OPCML: variants seen among roughly 807,000 people sequenced by gnomAD.
The protein encoded by OPCML is opioid binding protein/cell adhesion molecule like.
Under a neutral mutation model 37.8 loss-of-function variants are expected in OPCML, and 13 were observed. The observed-to-expected ratio is 0.34, with a 90% confidence interval of 0.22 to 0.55. The LOEUF is 0.55. Among genes scored for constraint, OPCML ranks in the 20% least tolerant of loss-of-function variants. OPCML has a pLI of 0.91. For missense variants in OPCML, 341 were observed against 435.6 expected (o/e 0.78, Z 1.93); for synonymous variants, 176 against 168.8 (o/e 1.04, Z -0.33).
At chr11:132,848,033 T>C (rs981638425) in intron 2 of OPCML, among the ~76,000 whole-genome samples, 2 of 152,114 alleles carry the variant, frequency 1.3e-5, no homozygotes, top group African/African-American at 4.8e-5. Flanking sequence ...GACAGTGAAA[T>C]TGATCAAGTC....
chr11:132,694,179 CTTTTTTTTTTTTTTTTTTTT>C (rs1162305568), intron 2 of OPCML, among the ~76,000 whole-genome samples: 8 of 42,978 alleles, frequency 1.9e-4, no homozygotes, highest in East Asian at 1.0e-3. Flanking sequence ...AAATCAATGT[CTTTTTTTTTTTTTTTTTTTT>C]TTTTTTTTTT....
intron 2 of OPCML, among the ~76,000 whole-genome samples, chr11:132,899,662 T>C (rs1174586678): frequency 6.6e-6 from 1 of 152,082 alleles, no homozygotes; most frequent in Non-Finnish European, 1.5e-5. Context: ...ACCTAGAGAA[T>C]TGATAAAGCA....
At chr11:132,457,756 G>A (rs1052080830) in intron 4 of OPCML, among the ~76,000 whole-genome samples, 1 of 152,168 alleles carries the variant, frequency 6.6e-6, no homozygotes, top group African/African-American at 2.4e-5. Context: ...TGCCCCAGCT[G>A]CCTGGTGTAC....
At chr11:132,593,426 C>T (rs962719878) in intron 3 of OPCML, among the ~76,000 whole-genome samples, 4 of 152,250 alleles carry the variant, frequency 2.6e-5, no homozygotes, top group East Asian at 1.9e-4. Context: ...TGGCAAGGAG[C>T]GTCCATTGTA....
chr11:133,498,001 T>A (rs947726677), intron 1 of OPCML, among the ~76,000 whole-genome samples: 2 of 152,160 alleles, frequency 1.3e-5, no homozygotes, highest in African/African-American at 4.8e-5. Context: ...CCTCTGCTTT[T>A]GTCAATTTAA....
At chr11:133,310,405 T>C (rs375161088) in intron 1 of OPCML, among the ~76,000 whole-genome samples, 16 of 152,160 alleles carry the variant, frequency 1.1e-4, no homozygotes, top group African/African-American at 3.9e-4. Context: ...TCTCAGATTT[T>C]ATTTAAAAGG....
intron 2 of OPCML, among the ~76,000 whole-genome samples, chr11:132,858,795 A>C (rs1389949757): frequency 1.3e-5 from 2 of 152,246 alleles, no homozygotes; most frequent in African/African-American, 4.8e-5. Context: ...AATAAATCTA[A>C]AAGTACGTTC....
In OPCML at chr11:133,173,167, G is replaced by C. The variant is rs984209970; in HGVS notation, c.62-230157C>G. 6.6e-6 allele frequency among the ~76,000 whole-genome samples: 1 copy of C among 152,124 alleles called. No individual in the cohort carries two copies. Among genetic ancestry groups the C allele is most frequent in the African/African-American group, 2.4e-5 (1 of 41,404 alleles). ...CATGCTTTAAAAAAATTACATGTGA[G>C]GGAATATTTCATATGAATTCCTAAG... On this transcript the variant is annotated intron_variant, in intron 1 of 7. Transcript: ENST00000524381. This position sits in a 1 kb window ranked among gnomAD's most constrained non-coding sequence, Gnocchi z 7.8.
At chr11:132,792,884 G>A (rs906722001) in intron 2 of OPCML, among the ~76,000 whole-genome samples, 2 of 152,204 alleles carry the variant, frequency 1.3e-5, no homozygotes, top group Non-Finnish European at 2.9e-5. Flanking sequence ...GCCCGTGTCT[G>A]TCTAATCCCT....
At chr11:132,437,424 C>A in intron 4 of OPCML, 65 bp from the exon 5 acceptor site, 1 of 1,584,700 alleles carries the variant, frequency 6.3e-7, no homozygotes, top group Non-Finnish European at 8.6e-7. Flanking sequence ...GAACCATATT[C>A]ACATCTAGAG....
intron 1 of OPCML, among the ~76,000 whole-genome samples, chr11:133,071,541 G>A (rs1316343725): frequency 6.6e-6 from 1 of 152,134 alleles, no homozygotes; most frequent in Non-Finnish European, 1.5e-5. Context: ...AAAATCACTG[G>A]CCCAGGAGTC....
intron 2 of OPCML, among the ~76,000 whole-genome samples, chr11:132,852,066 G>A (rs1190122101): frequency 6.6e-6 from 1 of 152,174 alleles, no homozygotes; most frequent in East Asian, 1.9e-4. Flanking sequence ...TAGAGCAGGG[G>A]AAATAAACAT....
intron 1 of OPCML, among the ~76,000 whole-genome samples, chr11:133,255,307 G>A (rs1263811873): frequency 6.6e-6 from 1 of 152,136 alleles, no homozygotes; most frequent in Non-Finnish European, 1.5e-5. Flanking sequence ...TTACAGGGAA[G>A]GTCAGGGCAT....
intron 1 of OPCML, among the ~76,000 whole-genome samples, chr11:133,191,982 T>C (rs144338936): frequency 8.5e-5 from 13 of 152,338 alleles, no homozygotes; most frequent in African/African-American, 2.6e-4. Flanking sequence ...ACTTGAACTG[T>C]CTGCTGTTTT....
intron 7 of OPCML, among the ~76,000 whole-genome samples, chr11:132,430,978 A>C (rs2095994934): frequency 6.6e-6 from 1 of 152,136 alleles, no homozygotes; most frequent in Non-Finnish European, 1.5e-5. Flanking sequence ...AGAGAAAGTG[A>C]GTCACCTCCA....
At chr11:132,915,218 T>G (rs1303277643) in intron 2 of OPCML, among the ~76,000 whole-genome samples, 1 of 152,188 alleles carries the variant, frequency 6.6e-6, no homozygotes, top group Non-Finnish European at 1.5e-5. Flanking sequence ...TCTCCCCATT[T>G]TCAACATTAT....
intron 4 of OPCML, among the ~76,000 whole-genome samples, chr11:132,481,015 T>G (rs997012205): frequency 6.6e-6 from 1 of 151,822 alleles, no homozygotes. Flanking sequence ...ATTCACAATT[T>G]GATATTAATT....
chr11:133,026,788 G>A (rs771640242), intron 1 of OPCML, among the ~76,000 whole-genome samples: 4 of 152,106 alleles, frequency 2.6e-5, no homozygotes, highest in Non-Finnish European at 4.4e-5. Flanking sequence ...GCTTGCATAT[G>A]TTGGATTTGT....
At chr11:133,184,961 A>AT (rs1938007173) in intron 1 of OPCML, among the ~76,000 whole-genome samples, 1 of 152,092 alleles carries the variant, frequency 6.6e-6, no homozygotes, top group Non-Finnish European at 1.5e-5. Context: ...TGCCATACAG[A>AT]TTTTTGTTCG....
Sources: allele counts gnomAD v4.1 joint callset (sites outside exome capture counted in the v4.1 genomes callset), GRCh38; gene constraint gnomAD v4.1.1; non-coding constraint Gnocchi (gnomAD v3.1); transcripts MANE v1.5; gene names NCBI Gene and HGNC (gene_info 2026-07-23, HGNC 2026-07-21).